PRKN: variants seen among roughly 807,000 people sequenced by gnomAD.
PRKN encodes the protein parkin RBR E3 ubiquitin protein ligase.
PRKN carries 56 observed loss-of-function variants against 59.5 expected under a neutral mutation model. The observed-to-expected ratio is 0.94, with a 90% CI of 0.76 to 1.18. The LOEUF (loss-of-function observed/expected upper bound fraction) is 1.18. Ranked by LOEUF, PRKN falls within the 50% of genes most tolerant of loss-of-function variation. The probability of loss-of-function intolerance (pLI) is 0.00; values close to 1 mark genes in which losing one functional copy is unlikely to be tolerated. For synonymous variants in PRKN, 250 were observed against 222.1 expected, an observed-to-expected ratio of 1.13 and a Z score of -1.12; for missense variants, 657 against 596.4, an observed-to-expected ratio of 1.10 and a Z score of -1.06.
chr6:162,506,095 C>T (rs1793594571), intron 1 of PRKN, among the ~76,000 whole-genome samples: 1 of 151,960 alleles, frequency 6.6e-6, no homozygotes, highest in African/African-American at 2.4e-5. Flanking sequence ...AAAGAAGATT[C>T]CAAAATGTGC....
At chr6:161,867,759 T>TTATTTATG (rs1274373598) in intron 6 of PRKN, among the ~76,000 whole-genome samples, 3 of 150,122 alleles carry the variant, frequency 2.0e-5, no homozygotes, top group African/African-American at 7.4e-5. Context: ...ATTTATTTAT[T>TTATTTATG]TATTTATTTA....
intron 7 of PRKN, among the ~76,000 whole-genome samples, chr6:161,696,676 C>A (rs1786036189): frequency 6.6e-6 from 1 of 152,018 alleles, no homozygotes; most frequent in South Asian, 2.1e-4. Flanking sequence ...CCAATCAGTG[C>A]ATTTCAAGTA....
In PRKN at chr6:161,407,805, C is replaced by A. The variant is rs1253576367; in HGVS notation, c.1084-20928G>T. On this transcript the variant is annotated intron_variant, in intron 9 of 11. Coordinates refer to ENST00000366898, the MANE Select transcript of PRKN (RefSeq NM_004562.3). The surrounding 1 kb of genome is among the most constrained non-coding windows in gnomAD (Gnocchi z 4.9). Reference sequence around the variant, plus strand: ...CATTATGACTTGTTCTGGCCCTGCCCCAACTGATCAGTTGACCTTGTGACA... The same window carrying A: ...CATTATGACTTGTTCTGGCCCTGCCACAACTGATCAGTTGACCTTGTGACA... 6.6e-6 allele frequency among the ~76,000 whole-genome samples: 1 copy of A among 152,118 alleles called. No individual in the cohort carries two copies. Among genetic ancestry groups the A allele is most frequent in the African/African-American group, 2.4e-5 (1 of 41,402 alleles).
intron 1 of PRKN, among the ~76,000 whole-genome samples, chr6:162,675,110 G>A (rs757174116): frequency 2.7e-5 from 4 of 145,826 alleles, no homozygotes; most frequent in South Asian, 2.2e-4. Context: ...GCAGTGGCGC[G>A]ATCTTGGCTC....
At chr6:162,051,161 C>T (rs1270959776) in intron 5 of PRKN, among the ~76,000 whole-genome samples, 1 of 152,122 alleles carries the variant, frequency 6.6e-6, no homozygotes, top group African/African-American at 2.4e-5. Flanking sequence ...CCAAAGCTGT[C>T]GCCTCCTTCA....
intron 2 of PRKN, among the ~76,000 whole-genome samples, chr6:162,393,152 A>ATTTTTTTTTTTT (rs1369959830): frequency 1.3e-5 from 1 of 78,100 alleles, no homozygotes; most frequent in African/African-American, 5.7e-5. Context: ...AGGATAGGAG[A>ATTTTTTTTTTTT]TTCTTTTTTT....
chr6:162,677,589 T>C (rs1779604222), intron 1 of PRKN, among the ~76,000 whole-genome samples: 1 of 152,096 alleles, frequency 6.6e-6, no homozygotes, highest in Non-Finnish European at 1.5e-5. Context: ...TTCTCAATTA[T>C]ACTGGCCTGG....
intron 6 of PRKN, among the ~76,000 whole-genome samples, chr6:161,972,158 C>T (rs974264589): frequency 6.6e-6 from 1 of 151,674 alleles, no homozygotes; most frequent in Non-Finnish European, 1.5e-5. Flanking sequence ...CCTGTAATCC[C>T]AGCTACTCGG....
At chr6:161,763,705 G>A (rs553347655) in intron 7 of PRKN, among the ~76,000 whole-genome samples, 35 of 152,144 alleles carry the variant, frequency 2.3e-4, no homozygotes, top group African/African-American at 7.9e-4. Context: ...CGTGCAAAGT[G>A]CAATATCACC....
chr6:162,602,614 T>C (rs1431312642), intron 1 of PRKN, among the ~76,000 whole-genome samples: 2 of 152,094 alleles, frequency 1.3e-5, no homozygotes, highest in Non-Finnish European at 2.9e-5. Context: ...TAAGAGTCCA[T>C]TGTAGGTATC....
chr6:162,559,171 A>G, intron 1 of PRKN, among the ~76,000 whole-genome samples: 1 of 145,044 alleles, frequency 6.9e-6, no homozygotes, highest in Non-Finnish European at 1.5e-5. Context: ...AAAAAAAGGC[A>G]ATTGGTAAGT....
rs1244564134 is a variant in PRKN, at chr6:161,483,184, A to C, written c.1083+65670T>G. On this transcript the variant is annotated intron_variant, in intron 9 of 11. Transcript: ENST00000366898. This position sits in a 1 kb window ranked among gnomAD's most constrained non-coding sequence, Gnocchi z 5.0. ...CTAACAATTGTGTTTCAAAAAAAAAAAAAAAAACATGCATTGTTAATGAGA... is the reference window on the plus strand; with the variant it reads ...CTAACAATTGTGTTTCAAAAAAAAACAAAAAAACATGCATTGTTAATGAGA... 6.6e-6 allele frequency among the ~76,000 whole-genome samples: 1 copy of C among 152,146 alleles called. No individual in the cohort carries two copies. Among genetic ancestry groups the C allele is most frequent in the Non-Finnish European group, 1.5e-5 (1 of 68,046 alleles).
intron 3 of PRKN, among the ~76,000 whole-genome samples, chr6:162,246,712 G>A (rs758528028): frequency 4.6e-5 from 7 of 152,096 alleles, no homozygotes; most frequent in South Asian, 4.1e-4. Flanking sequence ...GTTGGGGTTT[G>A]GTTTCCCAGG....
In PRKN at chr6:161,391,274, T is replaced by C. The variant is rs1786493007; in HGVS notation, c.1084-4397A>G. 6.6e-6 allele frequency among the ~76,000 whole-genome samples: 1 copy of C among 152,008 alleles called. No homozygotes were observed. Among genetic ancestry groups the C allele is most frequent in the African/African-American group, 2.4e-5 (1 of 41,330 alleles). ...AAAATGGTCTTACATTTGCTGAGGC[T>C]CCCTTAAGCTGCATAATACCTCTCC... On this transcript the variant is annotated intron_variant, in intron 9 of 11. Coordinates refer to ENST00000366898, the MANE Select transcript of PRKN (RefSeq NM_004562.3). This position sits in a 1 kb window ranked among gnomAD's most constrained non-coding sequence, Gnocchi z 4.9.
chr6:161,373,869 C>A lies in PRKN; in HGVS notation c.1167+12925G>T, dbSNP rs1270319160. On this transcript the variant is annotated intron_variant, in intron 10 of 11. Coordinates refer to ENST00000366898, the MANE Select transcript of PRKN (RefSeq NM_004562.3). This position sits in a 1 kb window ranked among gnomAD's most constrained non-coding sequence, Gnocchi z 4.8. Reference sequence around the variant, plus strand: ...CTGTTAGCTTTTCAAATCTGCACACCTCTCAGAAATGCTCCTCCTGGGGAC... The same window carrying A: ...CTGTTAGCTTTTCAAATCTGCACACATCTCAGAAATGCTCCTCCTGGGGAC... 6.6e-6 allele frequency among the ~76,000 whole-genome samples: 1 copy of A among 152,142 alleles called. No homozygotes were observed. Among genetic ancestry groups the A allele is most frequent in the Admixed American group, 6.5e-5 (1 of 15,276 alleles).
chr6:162,484,061 CTATGCATAAAG>C (rs1464127854), intron 1 of PRKN, among the ~76,000 whole-genome samples: 3 of 152,134 alleles, frequency 2.0e-5, no homozygotes, highest in Non-Finnish European at 4.4e-5. Context: ...ATATGGTTGT[CTATGCATAAAG>C]TATGTCTAAA....
chr6:162,289,835 T>G (rs951760230), intron 2 of PRKN, among the ~76,000 whole-genome samples: 2 of 152,052 alleles, frequency 1.3e-5, no homozygotes, highest in Non-Finnish European at 2.9e-5. Context: ...AAGGTGACCC[T>G]CCCAATTTCA....
rs1236215740 is a variant in PRKN, at chr6:161,399,915, CTAAA to C, written c.1084-13042_1084-13039del. 2.0e-5 allele frequency among the ~76,000 whole-genome samples: 3 copies of C among 152,100 alleles called. No homozygotes were observed. The highest frequency in any genetic ancestry group is 4.8e-5 in the African/African-American group (2 of 41,414). ...AAATTAATTTCAATATTTTACTTAA[CTAAA>C]TATATTCAAAATTGTATCATTTCAA... On this transcript the variant is annotated intron_variant, in intron 9 of 11. Transcript: ENST00000366898. The surrounding 1 kb of genome is among the most constrained non-coding windows in gnomAD (Gnocchi z 4.4).
chr6:162,595,091 G>A (rs542724387), intron 1 of PRKN, among the ~76,000 whole-genome samples: 2 of 151,864 alleles, frequency 1.3e-5, no homozygotes, highest in East Asian at 2.0e-4. Flanking sequence ...GGAGAATGGC[G>A]TGAACCTGAG....
Sources: allele counts gnomAD v4.1 joint callset (sites outside exome capture counted in the v4.1 genomes callset), GRCh38; gene constraint gnomAD v4.1.1; non-coding constraint Gnocchi (gnomAD v3.1); transcripts MANE v1.5; gene names NCBI Gene and HGNC (gene_info 2026-07-23, HGNC 2026-07-21).